TAF1B: variants seen among roughly 807,000 people sequenced by gnomAD.
TAF1B encodes the protein TATA box-binding protein-associated factor RNA polymerase I subunit B.
A neutral mutation model predicts 83.9 loss-of-function variants in TAF1B; 61 were observed. The observed-to-expected ratio is 0.73, with a 90% CI of 0.59 to 0.90. The LOEUF is 0.90. Ranked by LOEUF, TAF1B falls within the 40% of genes least tolerant of loss-of-function variation. The pLI is 0.00. For synonymous variants in TAF1B, 221 were observed against 224.6 expected (o/e 0.98, Z 0.14); for missense variants, 625 against 677.0 (o/e 0.92, Z 0.85).
chr2:9,897,996 A>G (rs1473541710), intron 8 of TAF1B, among the ~76,000 whole-genome samples: 2 of 29,370 alleles, frequency 6.8e-5, no homozygotes, highest in Non-Finnish European at 1.4e-4. Flanking sequence ...CCCCGCCCCC[A>G]GCTACCATCA....
chr2:9,889,816 A>G (rs189684998), intron 8 of TAF1B, among the ~76,000 whole-genome samples: 89 of 152,252 alleles, frequency 5.8e-4, no homozygotes, highest in Non-Finnish European at 1.1e-3. Context: ...TAGCCTCACT[A>G]CTAAGGCGTA....
At chr2:9,912,423 T>C (rs560512769) in intron 11 of TAF1B, among the ~76,000 whole-genome samples, 1 of 152,326 alleles carries the variant, frequency 6.6e-6, no homozygotes, top group South Asian at 2.1e-4. Flanking sequence ...CTTGAATTTA[T>C]TGGAAGCAAT....
At chr2:9,891,477 A>G (rs1425439486) in intron 8 of TAF1B, among the ~76,000 whole-genome samples, 1 of 152,144 alleles carries the variant, frequency 6.6e-6, no homozygotes, top group Non-Finnish European at 1.5e-5. Flanking sequence ...TAATACATTT[A>G]TATAATTTGG....
chr2:9,917,556 G>A (rs1665719770), intron 12 of TAF1B, among the ~76,000 whole-genome samples: 1 of 152,176 alleles, frequency 6.6e-6, no homozygotes, highest in Non-Finnish European at 1.5e-5. Context: ...AATACATACA[G>A]CATCTTATTC....
chr2:9,899,934 G>A (rs758339289), intron 8 of TAF1B, among the ~76,000 whole-genome samples: 34 of 152,142 alleles, frequency 2.2e-4, no homozygotes, highest in African/African-American at 3.9e-4. Flanking sequence ...ATCAAAGCAC[G>A]TTTTCTTAGC....
Position 9,918,559 on chromosome 2 carries a change from C to CTTTACACCAGGAATAGAATAGA in TAF1B, c.1272-478_1272-457dup, listed in dbSNP as rs1665771715. On this transcript the variant is annotated intron_variant, in intron 12 of 14. Coordinates refer to ENST00000263663, the MANE Select transcript of TAF1B (RefSeq NM_005680.3). ...TCCTGGAATCCAGTCTTTTCCTCTC[C>CTTTACACCAGGAATAGAATAGA]TTTACACCAGGAATAGAATAGATTT... Among the ~76,000 whole-genome samples the CTTTACACCAGGAATAGAATAGA allele has an allele frequency of 4.6e-5, 7 of 152,330 alleles. No homozygotes were observed. In the South Asian group the frequency reaches 1.5e-3, roughly 32 times the overall value.
Position 9,875,942 on chromosome 2 carries a change from A to G in TAF1B, c.631A>G (p.Met211Val), listed in dbSNP as rs775615215. ...RKEKGIVKMT[M>V]PQTLAFCYLS... ...GGAGAAGGGAATCGTGAAGATGACC[A>G]TGCCACAGACACTTGCCTTCTGTTA... Residue 211 changes from methionine to valine, a missense_variant, in exon 7 of 15, where the codon ATG becomes GTG. Physicochemically the swap from Met to Val is conservative, Grantham distance 21. Transcript: ENST00000263663. 5.6e-6 allele frequency: 9 copies of G among 1,613,720 alleles called. No individual in the cohort carries two copies. Among genetic ancestry groups the G allele is most frequent in the Non-Finnish European group, 5.1e-6 (6 of 1,179,806 alleles).
chr2:9,902,527 T>G (rs1329020536), intron 8 of TAF1B, among the ~76,000 whole-genome samples: 1 of 152,234 alleles, frequency 6.6e-6, no homozygotes, highest in Non-Finnish European at 1.5e-5. Flanking sequence ...CTGGCTTTTT[T>G]CTTTGAACAT....
At chr2:9,875,414 A>T (rs939715406) in intron 6 of TAF1B, among the ~76,000 whole-genome samples, 2 of 152,222 alleles carry the variant, frequency 1.3e-5, no homozygotes, top group Admixed American at 1.3e-4. Context: ...TAATTGTATT[A>T]GTCCATTTTC....
chr2:9,877,283 T>C (rs1048179108), intron 7 of TAF1B, among the ~76,000 whole-genome samples: 1 of 152,180 alleles, frequency 6.6e-6, no homozygotes, highest in African/African-American at 2.4e-5. Flanking sequence ...CTTAGATGTC[T>C]TTATGGTATC....
rs774360958 is a variant in TAF1B, at chr2:9,933,919, C to T, written c.1702C>T (p.Leu568Phe). 1.2e-6 allele frequency: 2 copies of T among 1,613,344 alleles called. No homozygotes were observed. The highest frequency in any genetic ancestry group is 3.3e-5 in the Admixed American group (2 of 59,918). The change falls in exon 15 of 15, where the codon CTT becomes TTT. Residue 568 changes from leucine to phenylalanine, a missense_variant. By Grantham distance (22) the Leu-to-Phe change is conservative. Coordinates refer to ENST00000263663, the MANE Select transcript of TAF1B (RefSeq NM_005680.3). ...HEEVSLVEKK[L>F]FEKKYSVKRK... is the part of the protein sequence containing the mutation. ...AGAAGTGAGCTTAGTTGAGAAGAAA[C>T]TTTTTGAGAAAAAATACAGTGTAAA...
intron 5 of TAF1B, among the ~76,000 whole-genome samples, chr2:9,865,319 A>G (rs564679846): frequency 1.3e-5 from 2 of 152,250 alleles, no homozygotes; most frequent in Admixed American, 1.3e-4. Context: ...GAGCCAAATC[A>G]TGAGTGAACT....
At chr2:9,863,197 A>G (rs1449040090) in intron 5 of TAF1B, among the ~76,000 whole-genome samples, 10 of 152,206 alleles carry the variant, frequency 6.6e-5, no homozygotes, top group Non-Finnish European at 1.3e-4. Context: ...GTATTCAGGA[A>G]ACCCATCTCA....
chr2:9,851,219 T>G (rs540484502), intron 3 of TAF1B, among the ~76,000 whole-genome samples: 1 of 152,280 alleles, frequency 6.6e-6, no homozygotes, highest in Non-Finnish European at 1.5e-5. Context: ...TTTAACATGG[T>G]GACTATTCAT....
chr2:9,903,532 A>G (rs1665250595), intron 8 of TAF1B, among the ~76,000 whole-genome samples: 1 of 152,228 alleles, frequency 6.6e-6, no homozygotes, highest in African/African-American at 2.4e-5. Flanking sequence ...GACAGAATAT[A>G]TTAATATTTG....
chr2:9,891,775 T>A (rs1664880444), intron 8 of TAF1B, among the ~76,000 whole-genome samples: 2 of 152,144 alleles, frequency 1.3e-5, no homozygotes, highest in African/African-American at 4.8e-5. Flanking sequence ...ATAAAAATTT[T>A]AAAAATAGAA....
chr2:9,868,430 G>A lies in TAF1B; in HGVS notation c.553+1G>A. The A allele has an allele frequency of 6.2e-7, 1 of 1,607,880 alleles. No individual in the cohort carries two copies. Among genetic ancestry groups the A allele is most frequent in the Non-Finnish European group, 8.5e-7 (1 of 1,176,818 alleles). ...CCCGTCAGCAAAGCATCACAATCAG[G>A]TAAAAATGAGAACCAAACCATTTCG... On this transcript the variant is annotated splice_donor_variant, in intron 6 of 14. Coordinates refer to ENST00000263663, the MANE Select transcript of TAF1B (RefSeq NM_005680.3). LOFTEE classifies it high-confidence loss of function.
chr2:9,876,592 A>C (rs943490618), intron 7 of TAF1B, among the ~76,000 whole-genome samples: 6 of 152,316 alleles, frequency 3.9e-5, no homozygotes, highest in Middle Eastern at 3.4e-3. Flanking sequence ...GACGTGCCAA[A>C]ATTCTTATGT....
rs1665790903 is a variant in TAF1B, at chr2:9,919,107, A to C, written c.1338A>C (p.Lys446Asn). Residue 446 changes from lysine to asparagine, a missense_variant, in exon 13 of 15, where the codon AAA (lysine) becomes AAC (asparagine). Lys to Asn is a moderately conservative substitution (Grantham distance 94). Coordinates refer to ENST00000263663, the MANE Select transcript of TAF1B (RefSeq NM_005680.3). ...SFVDKPVAYK[K>N]REMVVNLQKQ... is the part of the protein sequence containing the mutation. ...TCGACAAACCAGTAGCATATAAAAAAAGAGGTAAGTCAAATTTTGTCTTTT... is the reference window on the plus strand; with the variant it reads ...TCGACAAACCAGTAGCATATAAAAACAGAGGTAAGTCAAATTTTGTCTTTT... 6.2e-7 allele frequency: 1 copy of C among 1,614,070 alleles called. No homozygotes were observed. Among genetic ancestry groups the C allele is most frequent in the African/African-American group, 1.3e-5 (1 of 75,060 alleles).
Sources: gnomAD v4.1 joint callset for allele counts (sites outside exome capture counted in the v4.1 genomes callset) on GRCh38, gnomAD v4.1.1 for gene constraint, MANE v1.5 for transcripts, NCBI Gene and HGNC (gene_info 2026-07-23, HGNC 2026-07-21) for gene names.